DONSON: variants seen among roughly 807,000 people sequenced by gnomAD.
The protein encoded by DONSON is protein downstream neighbor of Son.
In DONSON, 43 loss-of-function variants were observed where a neutral mutation model predicts 62.1. The observed-to-expected ratio is 0.69, with a 90% CI of 0.54 to 0.89. The LOEUF is 0.89. Ranked by LOEUF, DONSON falls within the 40% of genes least tolerant of loss-of-function variation. The probability of loss-of-function intolerance (pLI) is 0.00; values close to 1 mark genes in which losing one functional copy is unlikely to be tolerated. For missense variants in DONSON, 696 were observed against 697.5 expected (o/e 1.00, Z 0.03); for synonymous variants, 266 against 264.6 (o/e 1.01, Z -0.05).
At chr21:33,583,803 C>T (rs58512391) in intron 4 of DONSON, 137 bp from the exon 5 acceptor site, 3 of 761,942 alleles carry the variant, frequency 3.9e-6, no homozygotes, top group East Asian at 2.7e-5. Context: ...TTTGTGGTTA[C>T]GTATGACTTA....
At chr21:33,584,010 G>T in intron 4 of DONSON, among the ~76,000 whole-genome samples, 1 of 100,164 alleles carries the variant, frequency 1.0e-5, no homozygotes, top group Non-Finnish European at 1.9e-5. Context: ...TTAGGGCTGC[G>T]TGTTTATATA....
In DONSON at chr21:33,588,387, G is replaced by A; in HGVS notation, c.255C>T (p.Asn85=). Reference sequence around the variant, plus strand: ...GGGGCTCCGCGGCGACCCGCGGTCGGTTGTCCAGGCGGGCGAAGGGGTTCC... The same window carrying A: ...GGGGCTCCGCGGCGACCCGCGGTCGATTGTCCAGGCGGGCGAAGGGGTTCC... ...ARRNPFARLD[N]RPRVAAEPPD... Residue 85 remains asparagine (N), a synonymous_variant, in exon 1 of 10, where the codon AAC becomes AAT. Transcript: ENST00000303071. 1.5e-6 allele frequency: 2 copies of A among 1,298,062 alleles called. No homozygotes were observed. Among genetic ancestry groups the A allele is most frequent in the Non-Finnish European group, 1.9e-6 (2 of 1,027,978 alleles). 80.4% of individuals were successfully genotyped at this position (1,298,062 alleles called of 1,614,324 possible).
At position 33,582,180 on chromosome 21, in the gene DONSON, C is replaced by G. The variant is rs146461848; in HGVS notation, c.1031G>C (p.Ser344Thr). ...AATCACATACTCCCCATATCCCAAG[C>G]TTGTTCCAGATGCTGTCTCCTTCTT... Reference protein sequence around the residue: ...GHKKETASGTSLGYGEEQAIS... With the variant: ...GHKKETASGTTLGYGEEQAIS... Residue 344 changes from serine (S) to threonine (T), a missense_variant, in exon 6 of 10, where the codon AGC becomes ACC. By Grantham distance (58) the Ser-to-Thr change is moderately conservative. Transcript: ENST00000303071. The G allele has an allele frequency of 7.1e-5, 115 of 1,613,952 alleles. No homozygotes were observed. Among genetic ancestry groups the G allele is most frequent in the Non-Finnish European group, 9.0e-5 (106 of 1,179,986 alleles).
In DONSON at chr21:33,583,526, G is replaced by A. The variant is rs1458455259; in HGVS notation, c.926C>T (p.Pro309Leu). 6 of 1,613,848 alleles carry A rather than the reference G, an allele frequency of 3.7e-6. No individual in the cohort carries two copies. The highest frequency in any genetic ancestry group is 5.1e-6 in the Non-Finnish European group (6 of 1,179,936). The change falls in exon 5 of 10, where the codon CCA becomes CTA. Residue 309 changes from proline (P) to leucine (L), a missense_variant. Physicochemically the swap from Pro to Leu is moderately conservative, Grantham distance 98 (BLOSUM62 -3). Coordinates refer to ENST00000303071, the MANE Select transcript of DONSON (RefSeq NM_017613.4). ...GSDLITALISPTTRGLREAMR... is the reference protein window; with the variant it reads ...GSDLITALISLTTRGLREAMR... ...AGCTTCTCTTAAACCTCGAGTTGTTGGAGATATGAGAGCTGTGATTAAGTC... is the reference window on the plus strand; with the variant it reads ...AGCTTCTCTTAAACCTCGAGTTGTTAGAGATATGAGAGCTGTGATTAAGTC...
intron 5 of DONSON, 55 bp downstream of exon 5, chr21:33,583,433 C>G: frequency 7.4e-7 from 1 of 1,360,204 alleles, no homozygotes. Flanking sequence ...AGCTTTTAGG[C>G]CAAAATAGGT....
Position 33,584,775 on chromosome 21 carries a change from T to C in DONSON, c.607-7A>G, listed in dbSNP as rs374062225. 220 of 1,496,362 alleles carry C rather than the reference T, an allele frequency of 1.5e-4. No individual in the cohort carries two copies. The highest frequency in any genetic ancestry group is 1.9e-4 in the Non-Finnish European group (213 of 1,112,990). The allele number at this position is 1,496,362 out of a possible 1,614,324, so 92.7% of individuals were successfully genotyped here. ...CAGAGGAGAGTTTGGGATCCTAAAA[T>C]CCAAAGGTGACAGTGGGCAGTTTTT... is the stretch of plus-strand genomic sequence containing the variant. On this transcript the variant is annotated splice_polypyrimidine_tract_variant and splice_region_variant and intron_variant, in intron 3 of 9. Transcript: ENST00000303071.
chr21:33,579,171 A>C (rs550057238), intron 9 of DONSON, among the ~76,000 whole-genome samples, 179 bp downstream of exon 9: 1 of 152,134 alleles, frequency 6.6e-6, no homozygotes, highest in East Asian at 1.9e-4. Context: ...GACTGAATTC[A>C]TGAAAGCTAC....
Position 33,583,667 on chromosome 21 carries a change from C to A in DONSON, c.786-1G>T. 6.4e-7 allele frequency: 1 copy of A among 1,574,790 alleles called. No individual in the cohort carries two copies. Among genetic ancestry groups the A allele is most frequent in the Non-Finnish European group, 8.6e-7 (1 of 1,161,620 alleles). ...ATATAGAGAAGTAAAGCTCACAGAC[C>A]TATGAAGTAAAAAAATTTTCTTAAG... On this transcript the variant is annotated splice_acceptor_variant, in intron 4 of 9. Transcript: ENST00000303071. LOFTEE classifies it high-confidence loss of function.
chr21:33,583,758 A>C, intron 4 of DONSON, 92 bp from the exon 5 acceptor site: 1 of 1,007,362 alleles, frequency 9.9e-7, no homozygotes, highest in South Asian at 1.9e-5. Flanking sequence ...CTGGTTTAAA[A>C]CACAACACAA....
chr21:33,582,897 C>T (rs1359943559), intron 5 of DONSON, among the ~76,000 whole-genome samples: 1 of 151,996 alleles, frequency 6.6e-6, no homozygotes, highest in Admixed American at 6.6e-5. Flanking sequence ...AGGTTGTGCC[C>T]TCCTTATAAG....
intron 8 of DONSON, 80 bp downstream of exon 8, chr21:33,581,222 G>C: frequency 1.5e-6 from 2 of 1,336,826 alleles, no homozygotes; most frequent in Non-Finnish European, 2.0e-6. Flanking sequence ...AAAATGCTAG[G>C]AGGTTTTTTT....
chr21:33,584,900 T>C, intron 3 of DONSON, 132 bp from the exon 4 acceptor site: 1 of 726,044 alleles, frequency 1.4e-6, no homozygotes, highest in Non-Finnish European at 2.0e-6. Flanking sequence ...TAATAATTGT[T>C]ATAGGAACGA....
chr21:33,583,200 CAAAAAAAAAAAA>C (rs552034893), intron 5 of DONSON, among the ~76,000 whole-genome samples: 7 of 58,924 alleles, frequency 1.2e-4, no homozygotes, highest in African/African-American at 5.4e-4. Context: ...GTCTCCATCT[CAAAAAAAAAAAA>C]AAAAAAAAAA....
chr21:33,582,320 A>C, intron 5 of DONSON, 74 bp from the exon 6 acceptor site: 1 of 1,216,182 alleles, frequency 8.2e-7, no homozygotes, highest in South Asian at 1.3e-5. Flanking sequence ...TTTAGAGTGT[A>C]AAAAATTTGA....
At chr21:33,586,303 C>T in intron 2 of DONSON, 122 bp from the exon 3 acceptor site, 2 of 818,116 alleles carry the variant, frequency 2.4e-6, no homozygotes, top group South Asian at 3.5e-5. Flanking sequence ...TAATAAATAA[C>T]ATGAAAAATA....
chr21:33,580,239 GATGA>G (rs3989180), intron 8 of DONSON, among the ~76,000 whole-genome samples: 43,443 of 146,044 alleles, frequency 0.3, 6,530 homozygotes, highest in Middle Eastern at 0.45. Context: ...TAAATAGATA[GATGA>G]ATGAATGAAT....
chr21:33,586,164 G>A lies in DONSON; in HGVS notation c.420C>T (p.Phe140=), dbSNP rs953548902. The A allele has an allele frequency of 2.5e-6, 4 of 1,613,968 alleles. No individual in the cohort carries two copies. Among genetic ancestry groups the A allele is most frequent in the Admixed American group, 1.7e-5 (1 of 59,998 alleles). ...TELPQTSHVS[F]SEPDIPSSKS... is the part of the protein sequence containing the mutation. The stretch of plus-strand genomic sequence containing the variant: ...TTGAGGACGGAATATCAGGCTCGGA[G>A]AATGATACATGTGAAGTCTTTAGAA... The change falls in exon 3 of 10, where the codon TTC becomes TTT. Residue 140 remains phenylalanine (F), a synonymous_variant. Transcript: ENST00000303071.
chr21:33,583,215 A>AAAAAAAAAAAAAAAAAC (rs1287548103), intron 5 of DONSON, among the ~76,000 whole-genome samples: 1 of 145,456 alleles, frequency 6.9e-6, no homozygotes, highest in Non-Finnish European at 1.5e-5. Context: ...AAAAAAAAAA[A>AAAAAAAAAAAAAAAAAC]AAAAAAAAAA....
In DONSON at chr21:33,581,286, T is replaced by G; in HGVS notation, c.1350+16A>C. On this transcript the variant is annotated intron_variant, in intron 8 of 9. Transcript: ENST00000303071. Reference sequence around the variant, plus strand: ...AAAGTACTTCTTAAAAGCTAGGTTATGCAGACTTTTATTACCTTAAGCATT... The same window carrying G: ...AAAGTACTTCTTAAAAGCTAGGTTAGGCAGACTTTTATTACCTTAAGCATT... 6.2e-7 allele frequency: 1 copy of G among 1,611,866 alleles called. No homozygotes were observed. Among genetic ancestry groups the G allele is most frequent in the Non-Finnish European group, 8.5e-7 (1 of 1,178,430 alleles).
Sources: allele counts gnomAD v4.1 joint callset (sites outside exome capture counted in the v4.1 genomes callset), GRCh38; gene constraint gnomAD v4.1.1; transcripts MANE v1.5; gene names NCBI Gene and HGNC (gene_info 2026-07-23, HGNC 2026-07-21).